RBFOX1: variants seen among roughly 807,000 people sequenced by gnomAD.
RBFOX1 encodes the protein RNA binding fox-1 homolog 1.
A neutral mutation model predicts 57.7 loss-of-function variants in RBFOX1; 8 were observed. The observed-to-expected ratio is 0.14, with a 90% confidence interval of 0.08 to 0.25. RBFOX1 has a LOEUF of 0.25. Ranked by LOEUF, RBFOX1 falls within the 10% of genes least tolerant of loss-of-function variation. The probability of loss-of-function intolerance (pLI) is 1.00; values close to 1 mark genes in which losing one functional copy is unlikely to be tolerated. For missense variants in RBFOX1, 611 were observed against 548.5 expected (o/e 1.11, Z -1.14); for synonymous variants, 326 against 222.4 (o/e 1.47, Z -4.15).
At chr16:6,969,423 A>AT (rs1220937013) in intron 3 of RBFOX1, among the ~76,000 whole-genome samples, 1 of 150,294 alleles carries the variant, frequency 6.7e-6, no homozygotes, top group Non-Finnish European at 1.5e-5. Flanking sequence ...AATAATTGTG[A>AT]TTTTGTACAA....
At chr16:7,420,669 C>G (rs962488309) in intron 4 of RBFOX1, among the ~76,000 whole-genome samples, 2 of 150,780 alleles carry the variant, frequency 1.3e-5, no homozygotes, top group Non-Finnish European at 2.9e-5. Flanking sequence ...TGAATGTTGT[C>G]TACTCTTTGA....
intron 4 of RBFOX1, among the ~76,000 whole-genome samples, chr16:5,890,839 C>A (rs1220672263): frequency 6.6e-6 from 1 of 152,046 alleles, no homozygotes; most frequent in Non-Finnish European, 1.5e-5. Context: ...TCCATTCACC[C>A]AACATTGTGT....
intron 1 of RBFOX1, among the ~76,000 whole-genome samples, chr16:6,223,362 G>A (rs7190223): frequency 4.2e-5 from 6 of 143,666 alleles, no homozygotes; most frequent in African/African-American, 5.0e-5. Context: ...TCCAGCACCT[G>A]TTGTTTCCCG....
chr16:7,688,137 G>A (rs955204795), intron 14 of RBFOX1, among the ~76,000 whole-genome samples: 1 of 151,840 alleles, frequency 6.6e-6, no homozygotes, highest in Non-Finnish European at 1.5e-5. Context: ...GCTATCCTGG[G>A]GCATCTTGGC....
intron 3 of RBFOX1, among the ~76,000 whole-genome samples, chr16:6,779,573 T>C (rs1261517150): frequency 2.0e-5 from 3 of 149,204 alleles, no homozygotes; most frequent in African/African-American, 7.4e-5. Context: ...TAGTTTTAGT[T>C]TTTTGAAGAA....
At chr16:6,601,105 T>G (rs1265482865) in intron 2 of RBFOX1, among the ~76,000 whole-genome samples, 1 of 152,236 alleles carries the variant, frequency 6.6e-6, no homozygotes, top group Non-Finnish European at 1.5e-5. Flanking sequence ...CTTAGGGATT[T>G]AAGTAACCCC....
chr16:7,204,230 T>C (rs1024747075), intron 4 of RBFOX1, among the ~76,000 whole-genome samples: 7 of 152,210 alleles, frequency 4.6e-5, no homozygotes, highest in African/African-American at 1.4e-4. Flanking sequence ...CTCTCATCTC[T>C]TGCCTCTATC....
chr16:7,678,938 A>C (rs906205988), intron 14 of RBFOX1, among the ~76,000 whole-genome samples: 2 of 151,528 alleles, frequency 1.3e-5, no homozygotes, highest in African/African-American at 4.9e-5. Context: ...GAAACCAACT[A>C]ACTAATACTG....
At chr16:6,793,757 G>C (rs1424290476) in intron 3 of RBFOX1, among the ~76,000 whole-genome samples, 2 of 152,152 alleles carry the variant, frequency 1.3e-5, no homozygotes, top group South Asian at 2.1e-4. Context: ...AGAAACATTA[G>C]TTTCCATGAT....
chr16:6,604,308 C>G (rs1235734030), intron 2 of RBFOX1, among the ~76,000 whole-genome samples: 1 of 151,938 alleles, frequency 6.6e-6, no homozygotes, highest in Admixed American at 6.6e-5. Context: ...TATTGTTGAT[C>G]TTGTTACACA....
At chr16:6,735,770 G>C (rs1279786886) in intron 3 of RBFOX1, among the ~76,000 whole-genome samples, 1 of 152,192 alleles carries the variant, frequency 6.6e-6, no homozygotes, top group Non-Finnish European at 1.5e-5. Context: ...AGTGGCATGG[G>C]TGGTGATCTG....
intron 3 of RBFOX1, among the ~76,000 whole-genome samples, chr16:6,919,665 A>G (rs1037371397): frequency 1.3e-5 from 2 of 151,754 alleles, no homozygotes; most frequent in Non-Finnish European, 2.9e-5. Flanking sequence ...AAAAATCCAG[A>G]TTGAATCCAG....
At chr16:5,590,825 C>T (rs1413410157) in intron 2 of RBFOX1, among the ~76,000 whole-genome samples, 2 of 152,138 alleles carry the variant, frequency 1.3e-5, no homozygotes, top group Non-Finnish European at 2.9e-5. Context: ...TGGTAAAATG[C>T]AGTGATTGAT....
chr16:7,694,019 C>A (rs928562229), intron 14 of RBFOX1, among the ~76,000 whole-genome samples: 1 of 148,772 alleles, frequency 6.7e-6, no homozygotes, highest in African/African-American at 2.4e-5. Flanking sequence ...AAAATAACAC[C>A]TGTCTTTTTT....
At chr16:7,226,689 A>G (rs9888785) in intron 4 of RBFOX1, among the ~76,000 whole-genome samples, 5,984 of 152,330 alleles carry the variant, frequency 0.039, 142 homozygotes, top group Middle Eastern at 0.072. Flanking sequence ...TAAAACCGCA[A>G]AAAGTACTGT....
In RBFOX1 at chr16:6,200,944, GGTT is replaced by G. The variant is rs1329319756; in HGVS notation, c.-126-116050_-126-116048del. Reference sequence around the variant, plus strand: ...AGAGTTTTCGGTGTTAACTTAGTGAGGTTTTTTTTTTTTTTTAAGTGAAATCGA... The same window carrying G: ...AGAGTTTTCGGTGTTAACTTAGTGAGTTTTTTTTTTTTTAAGTGAAATCGA... On this transcript the variant is annotated intron_variant, in intron 1 of 15. Coordinates refer to ENST00000550418, the MANE Select transcript of RBFOX1 (RefSeq NM_018723.4). Among the ~76,000 whole-genome samples, 98 of 78,632 alleles carry G rather than the reference GGTT, an allele frequency of 1.2e-3. No individual in the cohort carries two copies. In the East Asian group the frequency reaches 0.013, roughly 11 times the overall value. The allele number at this position is 78,632 out of a possible 152,430, so 51.6% of individuals were successfully genotyped here.
intron 3 of RBFOX1, among the ~76,000 whole-genome samples, chr16:6,880,097 G>C (rs932777297): frequency 3.9e-5 from 6 of 152,110 alleles, no homozygotes; most frequent in African/African-American, 1.4e-4. Flanking sequence ...GTTCCTGAGA[G>C]TCCCCTGACC....
rs561081388 is a variant in RBFOX1 at position 6,652,116 on chromosome 16, A to G, written c.-63-2487A>G. Among the ~76,000 whole-genome samples the G allele has an allele frequency of 2.0e-5, 3 of 152,302 alleles. No individual in the cohort carries two copies. In the South Asian group the frequency reaches 6.2e-4, roughly 32 times the overall value. On this transcript the variant is annotated intron_variant, in intron 2 of 15. Transcript: ENST00000550418. Reference sequence around the variant, plus strand: ...GAGGTAATTCAGGTTAAGTGATGTCATAAGGGTGGGGTCTTAATCCAATAG... The same window carrying G: ...GAGGTAATTCAGGTTAAGTGATGTCGTAAGGGTGGGGTCTTAATCCAATAG...
chr16:6,064,321 G>C (rs1388814079), intron 1 of RBFOX1, among the ~76,000 whole-genome samples: 1 of 152,052 alleles, frequency 6.6e-6, no homozygotes, highest in Non-Finnish European at 1.5e-5. Context: ...AAGACATCTG[G>C]AGCATTCCAA....
Sources: gnomAD v4.1 joint callset for allele counts (sites outside exome capture counted in the v4.1 genomes callset) on GRCh38, gnomAD v4.1.1 for gene constraint, MANE v1.5 for transcripts, NCBI Gene and HGNC (gene_info 2026-07-23, HGNC 2026-07-21) for gene names.